DTNA: variants seen among roughly 807,000 people sequenced by gnomAD.
DTNA encodes dystrobrevin alpha.
Under a neutral mutation model 100.7 loss-of-function variants are expected in DTNA, and 43 were observed. The observed-to-expected ratio is 0.43, with a 90% CI of 0.33 to 0.55. The LOEUF (loss-of-function observed/expected upper bound fraction) is 0.55. Ranked by LOEUF, DTNA falls within the 20% of genes least tolerant of loss-of-function variation. DTNA has a pLI of 0.04. For missense variants in DTNA, 798 were observed against 953.9 expected (o/e 0.84, Z 2.15); for synonymous variants, 349 against 347.9 (o/e 1.00, Z -0.04).
At chr18:34,765,197 G>A (rs551071448) in intron 2 of DTNA, among the ~76,000 whole-genome samples, 2 of 152,292 alleles carry the variant, frequency 1.3e-5, no homozygotes, top group South Asian at 2.1e-4. Flanking sequence ...ACTCCTAAGT[G>A]GGAGAGTGAA....
Position 34,512,925 on chromosome 18 carries a change from A to G in DTNA, c.-2+19411A>G, listed in dbSNP as rs192574306. On this transcript the variant is annotated intron_variant, in intron 1 of 19. Transcript: ENST00000283365. ...GTGGAATACAAATTAGCAAACCAGT[A>G]TAGAAGAATACTGGTTTCACATAAG... is the stretch of plus-strand genomic sequence containing the variant. 4.9e-4 allele frequency among the ~76,000 whole-genome samples: 74 copies of G among 152,238 alleles called. 1 individual carries two copies. In the South Asian group the frequency reaches 0.012, roughly 25 times the overall value.
intron 1 of DTNA, among the ~76,000 whole-genome samples, chr18:34,626,765 TAAG>T (rs2057376082): frequency 6.6e-6 from 1 of 152,240 alleles, no homozygotes; most frequent in African/African-American, 2.4e-5. Context: ...GCATTCTTCT[TAAG>T]AAGCTACACA....
In DTNA at chr18:34,688,546, G is replaced by A. The variant is rs188215673; in HGVS notation, c.-1-67430G>A. On this transcript the variant is annotated intron_variant, in intron 1 of 19. Transcript: ENST00000283365. ...TGATGGGCTTCCCTTTGTGGGTAAC[G>A]CGACCTTTCTCTCTGGCTGCCCTTA... Among the ~76,000 whole-genome samples the A allele has an allele frequency of 7.5e-3, 1,143 of 152,154 alleles. 6 individuals carry two copies. The highest frequency in any genetic ancestry group is 0.016 in the African/African-American group (662 of 41,508).
chr18:34,825,549 G>A (rs528648480), intron 9 of DTNA, among the ~76,000 whole-genome samples: 2 of 152,300 alleles, frequency 1.3e-5, no homozygotes, highest in South Asian at 4.1e-4. Flanking sequence ...CCATTTGTTA[G>A]ATAAGGTAAC....
chr18:34,863,623 G>T (rs2096657880), intron 16 of DTNA, among the ~76,000 whole-genome samples: 1 of 152,206 alleles, frequency 6.6e-6, no homozygotes, highest in Non-Finnish European at 1.5e-5. Context: ...GTGACAATTT[G>T]GTTTTTGTTT....
intron 4 of DTNA, among the ~76,000 whole-genome samples, chr18:34,801,936 T>C (rs1340717980): frequency 6.6e-6 from 1 of 152,240 alleles, no homozygotes; most frequent in East Asian, 1.9e-4. Context: ...TACATGGCCA[T>C]GTGATTGACC....
intron 4 of DTNA, among the ~76,000 whole-genome samples, chr18:34,795,981 T>C (rs1012128377): frequency 1.3e-5 from 2 of 152,242 alleles, no homozygotes; most frequent in Non-Finnish European, 2.9e-5. Context: ...AAGTTTGACA[T>C]CTATTCCAAG....
chr18:34,551,761 A>AAT (rs1471217551), intron 1 of DTNA, among the ~76,000 whole-genome samples: 1 of 152,158 alleles, frequency 6.6e-6, no homozygotes, highest in Non-Finnish European at 1.5e-5. Flanking sequence ...GCCATTTAAA[A>AAT]ATATATATCA....
At chr18:34,728,090 ATGT>A (rs1209295993) in intron 1 of DTNA, among the ~76,000 whole-genome samples, 1 of 152,170 alleles carries the variant, frequency 6.6e-6, no homozygotes. Flanking sequence ...TACTTTCGCA[ATGT>A]TGTGATATTA....
chr18:34,733,802 G>A (rs2088888072), intron 1 of DTNA, among the ~76,000 whole-genome samples: 1 of 152,138 alleles, frequency 6.6e-6, no homozygotes, highest in Non-Finnish European at 1.5e-5. Context: ...AACCAAGGGA[G>A]ATCAGGCATT....
At chr18:34,727,920 C>T (rs1041843969) in intron 1 of DTNA, among the ~76,000 whole-genome samples, 13 of 151,932 alleles carry the variant, frequency 8.6e-5, no homozygotes, top group Admixed American at 8.5e-4. Flanking sequence ...TTATAAAATG[C>T]CATCTACTAT....
At chr18:34,629,426 T>C (rs548570402) in intron 1 of DTNA, among the ~76,000 whole-genome samples, 7 of 152,324 alleles carry the variant, frequency 4.6e-5, no homozygotes, top group African/African-American at 1.7e-4. Flanking sequence ...TTTATCTTAC[T>C]TTCTTTTTAT....
chr18:34,760,389 C>T (rs2093065888), intron 2 of DTNA, among the ~76,000 whole-genome samples: 1 of 152,136 alleles, frequency 6.6e-6, no homozygotes, highest in African/African-American at 2.4e-5. Flanking sequence ...TCTCCATATA[C>T]AATTTGTCTT....
At chr18:34,539,684 T>C (rs985883788) in intron 1 of DTNA, among the ~76,000 whole-genome samples, 6 of 151,976 alleles carry the variant, frequency 3.9e-5, no homozygotes, top group African/African-American at 1.4e-4. Context: ...ATTGTATCAT[T>C]GTCTATGTGA....
chr18:34,827,760 G>A (rs1239455930), intron 10 of DTNA, 84 bp downstream of exon 10: 1 of 1,339,070 alleles, frequency 7.5e-7, no homozygotes, highest in Non-Finnish European at 1.1e-6. Context: ...TCTCATGCAA[G>A]CCAAGGGCAG....
chr18:34,776,785 G>T (rs935954905), intron 3 of DTNA, among the ~76,000 whole-genome samples: 5 of 152,158 alleles, frequency 3.3e-5, no homozygotes, highest in African/African-American at 1.2e-4. Context: ...CAATGGCCCA[G>T]TTGGCTCCAC....
chr18:34,778,458 A>T (rs552943435), intron 3 of DTNA, among the ~76,000 whole-genome samples: 40 of 152,334 alleles, frequency 2.6e-4, no homozygotes, highest in African/African-American at 9.6e-4. Context: ...TAAAATGTAC[A>T]TAACATTTTA....
At chr18:34,825,221 C>T in intron 9 of DTNA, 1 of 1,612,368 alleles carries the variant, frequency 6.2e-7, no homozygotes, top group Non-Finnish European at 8.5e-7. Context: ...GTAAATATTA[C>T]CATGATTAAC....
At chr18:34,867,701 C>A in intron 17 of DTNA, 1 of 985,976 alleles carries the variant, frequency 1.0e-6, no homozygotes, top group Non-Finnish European at 1.2e-6. Context: ...CAGGCCATTT[C>A]CCAGGCAGCA....
Sources: allele counts gnomAD v4.1 joint callset (sites outside exome capture counted in the v4.1 genomes callset), GRCh38; gene constraint gnomAD v4.1.1; transcripts MANE v1.5; gene names NCBI Gene and HGNC (gene_info 2026-07-23, HGNC 2026-07-21).